Variants in SPOCK3 observed in about 807,000 individuals in gnomAD.
SPOCK3 encodes SPARC (osteonectin), cwcv and kazal like domains proteoglycan 3, also known as testican-3.
A neutral mutation model predicts 56.6 loss-of-function variants in SPOCK3; 30 were observed. The ratio of observed to expected loss-of-function variants is 0.53; its 90% CI spans 0.40 to 0.72. SPOCK3 has a LOEUF of 0.72. Ranked by LOEUF, SPOCK3 falls within the 30% of genes least tolerant of loss-of-function variation. SPOCK3 has a pLI of 0.00. For synonymous variants in SPOCK3, 196 were observed against 183.3 expected (o/e 1.07, Z -0.56); for missense variants, 527 against 530.0 (o/e 0.99, Z 0.06).
intron 2 of SPOCK3, among the ~76,000 whole-genome samples, chr4:167,106,704 A>G (rs1760184732): frequency 1.6e-5 from 2 of 125,504 alleles, no homozygotes; most frequent in Admixed American, 8.6e-5. Context: ...AATGAAACAA[A>G]AAGTTGTTTT....
chr4:166,748,581 G>A (rs1189984582), intron 8 of SPOCK3, among the ~76,000 whole-genome samples: 1 of 136,638 alleles, frequency 7.3e-6, no homozygotes, highest in Non-Finnish European at 1.5e-5. Flanking sequence ...CATGGGCAAA[G>A]ACTTCATGTC....
At chr4:166,980,468 T>G (rs553574883) in intron 4 of SPOCK3, among the ~76,000 whole-genome samples, 1 of 152,348 alleles carries the variant, frequency 6.6e-6, no homozygotes, top group African/African-American at 2.4e-5. Flanking sequence ...GGTATCAGCC[T>G]TTGCCCAAGT....
chr4:166,889,050 A>T (rs1253352749), intron 6 of SPOCK3, 80 bp downstream of exon 6: 1 of 842,608 alleles, frequency 1.2e-6, no homozygotes, highest in African/African-American at 1.7e-5. Flanking sequence ...TTCATTGTGT[A>T]TTTAATGACA....
chr4:167,049,696 A>G (rs1460256757), intron 3 of SPOCK3, among the ~76,000 whole-genome samples: 1 of 152,158 alleles, frequency 6.6e-6, no homozygotes, highest in Non-Finnish European at 1.5e-5. Context: ...TAAAGATCAG[A>G]CATTAGAGGC....
At chr4:166,981,752 A>C (rs1191156978) in intron 4 of SPOCK3, among the ~76,000 whole-genome samples, 1 of 151,890 alleles carries the variant, frequency 6.6e-6, no homozygotes, top group Non-Finnish European at 1.5e-5. Flanking sequence ...CCATCCATCA[A>C]TCTTGTCATC....
At chr4:167,015,903 T>A (rs1263808861) in intron 3 of SPOCK3, among the ~76,000 whole-genome samples, 1 of 152,180 alleles carries the variant, frequency 6.6e-6, no homozygotes, top group Non-Finnish European at 1.5e-5. Context: ...AACATTGATC[T>A]ATCAGATTAA....
intron 2 of SPOCK3, among the ~76,000 whole-genome samples, chr4:167,192,526 T>C (rs1732560537): frequency 1.4e-5 from 2 of 145,676 alleles, no homozygotes; most frequent in African/African-American, 2.6e-5. Context: ...GGTTGTATGT[T>C]TCTAAAAATT....
chr4:167,073,183 A>G (rs528145465), intron 2 of SPOCK3, among the ~76,000 whole-genome samples: 1 of 151,682 alleles, frequency 6.6e-6, no homozygotes, highest in African/African-American at 2.4e-5. Flanking sequence ...ATAATTCATA[A>G]TTTTAAATCA....
At position 167,025,040 on chromosome 4, in the gene SPOCK3, G is replaced by C. The variant is rs181003576; in HGVS notation, c.236-24577C>G. On this transcript the variant is annotated intron_variant, in intron 3 of 10. Transcript: ENST00000357545. Reference sequence around the variant, plus strand: ...TATCTGGCCAGACTGGATCATTGAGGATAAGATGCAGCAGGAGAGCTATAT... The same window carrying C: ...TATCTGGCCAGACTGGATCATTGAGCATAAGATGCAGCAGGAGAGCTATAT... 4.3e-4 allele frequency among the ~76,000 whole-genome samples: 66 copies of C among 152,006 alleles called. 1 individual carries two copies. The highest frequency in any genetic ancestry group is 1.1e-3 in the Admixed American group (17 of 15,232).
chr4:167,198,058 C>T (rs573729318), intron 2 of SPOCK3, among the ~76,000 whole-genome samples: 4 of 152,078 alleles, frequency 2.6e-5, no homozygotes, highest in Non-Finnish European at 5.9e-5. Flanking sequence ...AATCTATGTC[C>T]ATGGCTGTAT....
intron 2 of SPOCK3, among the ~76,000 whole-genome samples, chr4:167,223,178 A>G (rs1190376319): frequency 7.7e-6 from 1 of 130,130 alleles, no homozygotes; most frequent in African/African-American, 3.0e-5. Flanking sequence ...AATATATAAT[A>G]TATATTTTAT....
At chr4:166,831,742 A>C (rs1467444475) in intron 6 of SPOCK3, among the ~76,000 whole-genome samples, 3 of 143,098 alleles carry the variant, frequency 2.1e-5, no homozygotes, top group African/African-American at 7.6e-5. Context: ...CGGTATCATC[A>C]ATGTTCTCCA....
chr4:167,164,095 A>T (rs1267281272), intron 2 of SPOCK3, among the ~76,000 whole-genome samples: 1 of 152,128 alleles, frequency 6.6e-6, no homozygotes, highest in Non-Finnish European at 1.5e-5. Context: ...AAACCCAGAA[A>T]AAACAAAACT....
rs533080915 is a variant in SPOCK3 at position 166,890,461 on chromosome 4, G to A, written c.475-1217C>T. Among the ~76,000 whole-genome samples, 23 of 152,028 alleles carry A rather than the reference G, an allele frequency of 1.5e-4. No homozygotes were observed. In the South Asian group the frequency reaches 3.7e-3, roughly 25 times the overall value. On this transcript the variant is annotated intron_variant, in intron 5 of 10. Coordinates refer to ENST00000357545, the MANE Select transcript of SPOCK3 (RefSeq NM_001040159.2). ...TGAACCAGGCTCTCGGTAAATGCTA[G>A]TAAAAGCTGAATACTCTTAAACAAT... is the stretch of plus-strand genomic sequence containing the variant.
At chr4:166,902,425 C>A (rs2127060757) in intron 5 of SPOCK3, among the ~76,000 whole-genome samples, 1 of 152,096 alleles carries the variant, frequency 6.6e-6, no homozygotes, top group South Asian at 2.1e-4. Context: ...AACTAAAATT[C>A]TCAACTAAAT....
chr4:166,826,230 A>G (rs1459876358), intron 6 of SPOCK3, among the ~76,000 whole-genome samples: 5 of 152,120 alleles, frequency 3.3e-5, no homozygotes, highest in Admixed American at 3.3e-4. Context: ...AGACATCAAT[A>G]CCGAGCTGTA....
intron 4 of SPOCK3, among the ~76,000 whole-genome samples, chr4:166,998,673 C>T (rs890522927): frequency 2.0e-5 from 3 of 152,166 alleles, no homozygotes; most frequent in African/African-American, 4.8e-5. Flanking sequence ...CTTGGGTTCA[C>T]GGGGCCAGGG....
chr4:167,039,874 G>A (rs1488617914), intron 3 of SPOCK3, among the ~76,000 whole-genome samples: 3 of 152,280 alleles, frequency 2.0e-5, no homozygotes, highest in East Asian at 1.9e-4. Flanking sequence ...GAGCCTAAAT[G>A]ACAGCTTGAA....
chr4:167,203,340 A>G (rs984917487), intron 2 of SPOCK3, among the ~76,000 whole-genome samples: 1 of 151,936 alleles, frequency 6.6e-6, no homozygotes, highest in Non-Finnish European at 1.5e-5. Context: ...TCTTACCTAT[A>G]TACATATTTT....
Sources: allele counts gnomAD v4.1 joint callset (sites outside exome capture counted in the v4.1 genomes callset), GRCh38; gene constraint gnomAD v4.1.1; transcripts MANE v1.5; gene names NCBI Gene and HGNC (gene_info 2026-07-23, HGNC 2026-07-21).